Variants in NAALADL2 observed in about 807,000 individuals in gnomAD.
NAALADL2 encodes N-acetylated alpha-linked acidic dipeptidase like 2.
A neutral mutation model predicts 87.2 loss-of-function variants in NAALADL2; 76 were observed. The observed-to-expected ratio is 0.87, with a 90% CI of 0.72 to 1.05. NAALADL2 has a LOEUF of 1.05. Ranked by LOEUF, NAALADL2 falls within the 50% of genes least tolerant of loss-of-function variation. The pLI, the probability that NAALADL2 is intolerant of heterozygous loss-of-function variation, is 0.00. For synonymous variants in NAALADL2, 354 were observed against 331.0 expected (o/e 1.07, Z -0.75); for missense variants, 1,089 against 945.8 (o/e 1.15, Z -1.99).
At chr3:174,453,787 A>G (rs1301248953) in intron 1 of NAALADL2, among the ~76,000 whole-genome samples, 1 of 152,198 alleles carries the variant, frequency 6.6e-6, no homozygotes, top group East Asian at 1.9e-4. Context: ...AGGAGAGACC[A>G]TTACCAGCCG....
intron 1 of NAALADL2, among the ~76,000 whole-genome samples, chr3:174,490,798 A>G (rs1158806268): frequency 6.6e-6 from 1 of 151,784 alleles, no homozygotes; most frequent in Non-Finnish European, 1.5e-5. Flanking sequence ...GGTGAAGGAG[A>G]AGTTGGTGGG....
intron 1 of NAALADL2, among the ~76,000 whole-genome samples, chr3:175,050,667 T>C (rs1279243268): frequency 9.9e-5 from 15 of 152,162 alleles, no homozygotes; most frequent in Admixed American, 9.8e-4. Context: ...ATGATGTTAG[T>C]TGAGGAATTA....
chr3:174,523,277 A>G (rs1230458727), intron 1 of NAALADL2: 1 of 152,220 alleles, frequency 6.6e-6, no homozygotes, highest in Non-Finnish European at 1.5e-5. Context: ...GTTTTGCTTA[A>G]CATACTTAAA....
chr3:175,693,802 G>A (rs773955532), intron 11 of NAALADL2, among the ~76,000 whole-genome samples: 4 of 152,072 alleles, frequency 2.6e-5, no homozygotes, highest in Non-Finnish European at 5.9e-5. Context: ...GGGTTCAAGC[G>A]ATTCTCCTGC....
chr3:175,208,186 T>G (rs1207974399), intron 2 of NAALADL2, among the ~76,000 whole-genome samples: 1 of 152,130 alleles, frequency 6.6e-6, no homozygotes, highest in Non-Finnish European at 1.5e-5. Flanking sequence ...ATCCTACCGT[T>G]ACTTATTTAT....
At chr3:175,153,110 G>T (rs73176782) in intron 2 of NAALADL2, among the ~76,000 whole-genome samples, 2,131 of 151,884 alleles carry the variant, frequency 0.014, 20 homozygotes, top group Non-Finnish European at 0.019. Flanking sequence ...GAACCTGTAT[G>T]TCTTAGTAAC....
chr3:175,302,474 T>G (rs1757203554), intron 4 of NAALADL2, among the ~76,000 whole-genome samples: 1 of 152,198 alleles, frequency 6.6e-6, no homozygotes, highest in Non-Finnish European at 1.5e-5. Flanking sequence ...ATTTGAAATA[T>G]GGAGTAGTTA....
chr3:175,024,403 C>T (rs1751956881), intron 1 of NAALADL2, among the ~76,000 whole-genome samples: 1 of 151,998 alleles, frequency 6.6e-6, no homozygotes, highest in Admixed American at 6.6e-5. Flanking sequence ...GAGTAGACTA[C>T]TGAAATGCAA....
intron 3 of NAALADL2, among the ~76,000 whole-genome samples, chr3:174,769,873 T>G (rs957768297): frequency 1.3e-5 from 2 of 152,018 alleles, no homozygotes; most frequent in African/African-American, 4.8e-5. Flanking sequence ...TTTCTTACTA[T>G]AGATGTTAAA....
intron 2 of NAALADL2, among the ~76,000 whole-genome samples, chr3:175,154,839 A>G (rs1732061313): frequency 6.6e-6 from 1 of 152,190 alleles, no homozygotes; most frequent in Admixed American, 6.6e-5. Context: ...TTCTGATGAA[A>G]GCCACTGTTT....
chr3:174,571,295 A>G (rs1299118480), intron 2 of NAALADL2, among the ~76,000 whole-genome samples: 1 of 152,198 alleles, frequency 6.6e-6, no homozygotes, highest in Non-Finnish European at 1.5e-5. Context: ...TAGTGAGACT[A>G]TTGTAACCTT....
chr3:174,607,829 G>T (rs1578297254), intron 2 of NAALADL2, among the ~76,000 whole-genome samples: 1 of 151,974 alleles, frequency 6.6e-6, no homozygotes, highest in African/African-American at 2.4e-5. Flanking sequence ...ATAGACATCT[G>T]CAGAACTCTC....
At chr3:174,966,723 T>C (rs1280052580) in intron 1 of NAALADL2, among the ~76,000 whole-genome samples, 1 of 152,162 alleles carries the variant, frequency 6.6e-6, no homozygotes, top group Non-Finnish European at 1.5e-5. Context: ...AGATGTCCAG[T>C]AGGCAACTGG....
At chr3:174,563,626 T>C (rs962367563) in intron 2 of NAALADL2, among the ~76,000 whole-genome samples, 1 of 152,164 alleles carries the variant, frequency 6.6e-6, no homozygotes, top group Admixed American at 6.6e-5. Flanking sequence ...TATTTGCTTC[T>C]AAGTATTTTA....
chr3:174,938,137 G>T (rs1401030859), intron 1 of NAALADL2, among the ~76,000 whole-genome samples: 1 of 151,904 alleles, frequency 6.6e-6, no homozygotes, highest in African/African-American at 2.4e-5. Flanking sequence ...TTTAAACTCA[G>T]TTTGCAATAG....
intron 2 of NAALADL2, among the ~76,000 whole-genome samples, chr3:175,211,851 C>A (rs145283678): frequency 6.6e-6 from 1 of 151,908 alleles, no homozygotes. Context: ...GTATTCATTA[C>A]GAAAAATATT....
chr3:175,801,624 C>T (rs1754160779), intron 13 of NAALADL2, among the ~76,000 whole-genome samples: 1 of 152,060 alleles, frequency 6.6e-6, no homozygotes, highest in African/African-American at 2.4e-5. Context: ...TCCATTTAGA[C>T]CTTTTTTAGA....
At chr3:175,280,159 T>C (rs549442566) in intron 4 of NAALADL2, among the ~76,000 whole-genome samples, 1 of 152,166 alleles carries the variant, frequency 6.6e-6, no homozygotes, top group South Asian at 2.1e-4. Context: ...ATAAGGAATT[T>C]CTGTTTCTTC....
At position 175,057,480 on chromosome 3, in the gene NAALADL2, A is replaced by T. The variant is rs139511570; in HGVS notation, c.44-39310A>T. Among the ~76,000 whole-genome samples, 734 of 152,326 alleles carry T rather than the reference A, an allele frequency of 4.8e-3. 3 individuals carry two copies. Among genetic ancestry groups the T allele is most frequent in the Middle Eastern group, 0.01 (3 of 294 alleles). On this transcript the variant is annotated intron_variant, in intron 1 of 13. Coordinates refer to ENST00000454872, the MANE Select transcript of NAALADL2 (RefSeq NM_207015.3). ...GCATCTTAGAAAGTTACAGTGATGTAGGAGACTTTTTGTATTTTCCTCAAC... is the reference window on the plus strand; with the variant it reads ...GCATCTTAGAAAGTTACAGTGATGTTGGAGACTTTTTGTATTTTCCTCAAC...
Sources: gnomAD v4.1 joint callset for allele counts (sites outside exome capture counted in the v4.1 genomes callset) on GRCh38, gnomAD v4.1.1 for gene constraint, MANE v1.5 for transcripts, NCBI Gene and HGNC (gene_info 2026-07-23, HGNC 2026-07-21) for gene names.